Variants in SORCS2 observed in about 807,000 individuals in gnomAD.
SORCS2 encodes the protein VPS10 domain-containing receptor SorCS2.
In SORCS2, 100 loss-of-function variants were observed where a neutral mutation model predicts 141.6. The observed-to-expected ratio is 0.71, with a 90% CI of 0.60 to 0.83. The LOEUF (loss-of-function observed/expected upper bound fraction) is 0.83, where lower values mean the gene tolerates loss of function less well. Among genes scored for constraint, SORCS2 ranks in the 40% least tolerant of loss-of-function variants. The pLI, the probability that SORCS2 is intolerant of heterozygous loss-of-function variation, is 0.00. For missense variants in SORCS2, 1,646 were observed against 1,560.2 expected, an observed-to-expected ratio of 1.05 and a Z score of -0.93; for synonymous variants, 789 against 676.9, an observed-to-expected ratio of 1.17 and a Z score of -2.57.
At chr4:7,728,574 G>A (rs902983846) in intron 22 of SORCS2, 112 bp downstream of exon 22, 77 of 672,038 alleles carry the variant, frequency 1.1e-4, no homozygotes, top group African/African-American at 8.6e-4. Flanking sequence ...CACTGCCCCC[G>A]CACACGATGC....
At position 7,624,920 on chromosome 4, in the gene SORCS2, G is replaced by A. The variant is rs1326769245; in HGVS notation, c.649-13408G>A. On this transcript the variant is annotated intron_variant, in intron 3 of 26. Coordinates refer to ENST00000507866, the MANE Select transcript of SORCS2 (RefSeq NM_020777.3). ...ATCAGTGATCATGGAGGAGGAGGAC[G>A]GCGGGGGCTCTCGTCTCACAAATGC... is the stretch of plus-strand genomic sequence containing the variant. Among the ~76,000 whole-genome samples, 5 of 152,238 alleles carry A rather than the reference G, an allele frequency of 3.3e-5. No homozygotes were observed. The East Asian group carries it at 9.6e-4, about 29-fold the overall frequency.
At chr4:7,475,395 C>T (rs2109355572) in intron 2 of SORCS2, among the ~76,000 whole-genome samples, 1 of 152,270 alleles carries the variant, frequency 6.6e-6, no homozygotes, top group Admixed American at 6.5e-5. Context: ...GTGAGGAGGC[C>T]CGGATGCCTC....
intron 11 of SORCS2, 133 bp downstream of exon 11, chr4:7,689,721 C>G: frequency 1.3e-6 from 1 of 778,126 alleles, no homozygotes; most frequent in Non-Finnish European, 1.9e-6. Flanking sequence ...ACCACTGCAT[C>G]TCCAGGAAGC....
chr4:7,703,686 C>T (rs1415199898), intron 13 of SORCS2, among the ~76,000 whole-genome samples: 1 of 152,074 alleles, frequency 6.6e-6, no homozygotes, highest in East Asian at 1.9e-4. Flanking sequence ...ACCAGGTGAC[C>T]CAGACAAGGA....
intron 1 of SORCS2, among the ~76,000 whole-genome samples, chr4:7,211,394 T>C (rs951838349): frequency 1.3e-5 from 2 of 152,132 alleles, no homozygotes; most frequent in African/African-American, 4.8e-5. Flanking sequence ...ATTGATTATT[T>C]ATTTATTTAT....
At chr4:7,724,010 GGGCAGGGA>G (rs1726788107) in intron 19 of SORCS2, 127 bp downstream of exon 19, 5 of 1,154,996 alleles carry the variant, frequency 4.3e-6, no homozygotes, top group South Asian at 1.7e-5. Flanking sequence ...GTGAACCCGA[GGGCAGGGA>G]GGCAGGGAGG....
At chr4:7,428,446 G>T (rs1471228842) in intron 2 of SORCS2, among the ~76,000 whole-genome samples, 1 of 152,162 alleles carries the variant, frequency 6.6e-6, no homozygotes, top group Admixed American at 6.5e-5. Flanking sequence ...CCTGCAGCTC[G>T]CATTCCAAGG....
chr4:7,659,559 C>T (rs1722021172), intron 5 of SORCS2, among the ~76,000 whole-genome samples: 1 of 152,246 alleles, frequency 6.6e-6, no homozygotes, highest in Admixed American at 6.5e-5. Context: ...CAACCCTGAG[C>T]AGCAGCCTTT....
chr4:7,494,044 CAT>C (rs1261406142), intron 2 of SORCS2, among the ~76,000 whole-genome samples: 1 of 151,954 alleles, frequency 6.6e-6, no homozygotes, highest in Non-Finnish European at 1.5e-5. Flanking sequence ...GACACACACA[CAT>C]ACACTCACAT....
intron 1 of SORCS2, among the ~76,000 whole-genome samples, chr4:7,307,743 G>A (rs1161386716): frequency 2.6e-5 from 4 of 152,334 alleles, no homozygotes; most frequent in East Asian, 1.9e-4. Flanking sequence ...TGTGAGTGGT[G>A]TGTTTGTTCA....
chr4:7,510,131 G>A (rs1255211418), intron 2 of SORCS2, among the ~76,000 whole-genome samples: 3 of 152,244 alleles, frequency 2.0e-5, no homozygotes, highest in Non-Finnish European at 2.9e-5. Context: ...TGTGAAGTGG[G>A]TTTTGACCTG....
At position 7,676,033 on chromosome 4, in the gene SORCS2, C is replaced by T. The variant is rs778580587; in HGVS notation, c.1162-17C>T. On this transcript the variant is annotated splice_polypyrimidine_tract_variant and intron_variant, in intron 8 of 26. Coordinates refer to ENST00000507866, the MANE Select transcript of SORCS2 (RefSeq NM_020777.3). ...CCAGCCTGGCTCTGACCCTGTGCTCCCTGCACATCCCCACAGGATCTGCAG... is the reference window on the plus strand; with the variant it reads ...CCAGCCTGGCTCTGACCCTGTGCTCTCTGCACATCCCCACAGGATCTGCAG... The T allele has an allele frequency of 1.3e-6, 2 of 1,566,140 alleles. No homozygotes were observed.
intron 14 of SORCS2, among the ~76,000 whole-genome samples, chr4:7,710,976 C>G (rs1020544695): frequency 5.3e-5 from 8 of 152,204 alleles, no homozygotes; most frequent in African/African-American, 1.9e-4. Flanking sequence ...AGGGGCCTGG[C>G]TGGAATGAGG....
rs1286482848 is a variant in SORCS2 at position 7,277,097 on chromosome 4, C to T, written c.480+83971C>T. 1.9e-4 allele frequency among the ~76,000 whole-genome samples: 22 copies of T among 118,492 alleles called. No homozygotes were observed. In the Admixed American group the frequency reaches 2.7e-3, roughly 15 times the overall value. 77.7% of individuals were successfully genotyped at this position (118,492 alleles called of 152,430 possible). A position where few individuals can be genotyped will look rare whatever the true frequency, so the allele number is the denominator to read the frequency against. On this transcript the variant is annotated intron_variant, in intron 1 of 26. Coordinates refer to ENST00000507866, the MANE Select transcript of SORCS2 (RefSeq NM_020777.3). ...AGGAGGCTCTCCCTGCCCCCACGTCCTGTGAGGGTCTCTCCTGGGCTCCTT... is the reference window on the plus strand; with the variant it reads ...AGGAGGCTCTCCCTGCCCCCACGTCTTGTGAGGGTCTCTCCTGGGCTCCTT...
Position 7,449,624 on chromosome 4 carries a change from G to T in SORCS2, c.548+53269G>T, listed in dbSNP as rs190679434. On this transcript the variant is annotated intron_variant, in intron 2 of 26. Transcript: ENST00000507866. ...AGATGCTGGGGGCTGCCATGTGTTTGTTCATGGATTCACGTTGGGTGGGCT... is the reference window on the plus strand; with the variant it reads ...AGATGCTGGGGGCTGCCATGTGTTTTTTCATGGATTCACGTTGGGTGGGCT... Among the ~76,000 whole-genome samples, 400 of 151,902 alleles carry T rather than the reference G, an allele frequency of 2.6e-3. 2 individuals carry two copies. The highest frequency in any genetic ancestry group is 9.2e-3 in the African/African-American group (380 of 41,484).
At chr4:7,689,809 G>T (rs1010358110) in intron 11 of SORCS2, among the ~76,000 whole-genome samples, 1 of 152,278 alleles carries the variant, frequency 6.6e-6, no homozygotes, top group Non-Finnish European at 1.5e-5. Context: ...AGAATGGAAA[G>T]ATGGACAGAT....
chr4:7,680,119 C>T lies in SORCS2; in HGVS notation c.1342-2624C>T, dbSNP rs117343062. Among the ~76,000 whole-genome samples the T allele has an allele frequency of 2.6e-5, 4 of 152,336 alleles. No homozygotes were observed. In the East Asian group the frequency reaches 5.8e-4, roughly 22 times the overall value. ...TCTATGAGCTTGTAAGACACAAAGA[C>T]TTGCGGCACATTCCCCGGGCCTCCC... On this transcript the variant is annotated intron_variant, in intron 9 of 26. Coordinates refer to ENST00000507866, the MANE Select transcript of SORCS2 (RefSeq NM_020777.3).
At chr4:7,707,525 G>T (rs942192522) in intron 14 of SORCS2, among the ~76,000 whole-genome samples, 1 of 152,228 alleles carries the variant, frequency 6.6e-6, no homozygotes, top group African/African-American at 2.4e-5. Flanking sequence ...GCGAATTCCT[G>T]CCGCCTTCAA....
At chr4:7,530,713 G>GGAT (rs1711566732) in intron 2 of SORCS2, among the ~76,000 whole-genome samples, 1 of 152,256 alleles carries the variant, frequency 6.6e-6, no homozygotes, top group African/African-American at 2.4e-5. Context: ...ATATCCTGAT[G>GGAT]GATGGATGGC....
Sources: allele counts gnomAD v4.1 joint callset (sites outside exome capture counted in the v4.1 genomes callset), GRCh38; gene constraint gnomAD v4.1.1; transcripts MANE v1.5; gene names NCBI Gene and HGNC (gene_info 2026-07-23, HGNC 2026-07-21).